MDH2: variants seen among roughly 807,000 people sequenced by gnomAD.
MDH2 encodes the protein malate dehydrogenase 2, also known as malate dehydrogenase, mitochondrial.
A neutral mutation model predicts 33.6 loss-of-function variants in MDH2; 25 were observed. That is an observed-to-expected ratio of 0.74 (90% CI 0.54 to 1.04). The LOEUF (loss-of-function observed/expected upper bound fraction) is 1.04. MDH2 is among the 50% of genes least tolerant of loss of function. MDH2 has a pLI of 0.00. For missense variants in MDH2, 432 were observed against 445.0 expected (o/e 0.97, Z 0.26); for synonymous variants, 193 against 188.7 (o/e 1.02, Z -0.19).
In MDH2 at chr7:76,066,505, GTGA is replaced by G. The variant is rs1338941872; in HGVS notation, c.*100_*102del. ...AAACTTTGTATTTTAATTTGCTTTG[GTGA>G]TGATTACTGTATTGACATCATCATG... On this transcript the variant is annotated 3_prime_UTR_variant, in exon 9 of 9. Transcript: ENST00000315758. 2 of 1,445,294 alleles carry G rather than the reference GTGA, an allele frequency of 1.4e-6. No homozygotes were observed. Among genetic ancestry groups the G allele is most frequent in the Admixed American group, 2.4e-5 (1 of 40,902 alleles). 89.5% of individuals were successfully genotyped at this position (1,445,294 alleles called of 1,614,324 possible).
rs781847712 is a variant in MDH2, at chr7:76,060,367, T to C, written c.430-6T>C. ...GCAAGCCATGCCTGTCTGTTGGATG[T>C]CCTAGGTTAATTCCACCATCCCCAT... On this transcript the variant is annotated splice_region_variant and splice_polypyrimidine_tract_variant and intron_variant, in intron 4 of 8. Coordinates refer to ENST00000315758, the MANE Select transcript of MDH2 (RefSeq NM_005918.4). The C allele has an allele frequency of 8.7e-6, 14 of 1,613,962 alleles. 1 individual carries two copies. The highest frequency in any genetic ancestry group is 5.5e-5 in the South Asian group (5 of 91,068).
chr7:76,066,261 T>C lies in MDH2; in HGVS notation c.886-18T>C. ...CTTTCCTGGAAACTTCATTTTAACA[T>C]GTTCCCATCTCCCTCAGAAAAAGGG... On this transcript the variant is annotated intron_variant, in intron 8 of 8. Transcript: ENST00000315758. The C allele has an allele frequency of 6.2e-7, 1 of 1,601,122 alleles. No homozygotes were observed. The highest frequency in any genetic ancestry group is 8.5e-7 in the Non-Finnish European group (1 of 1,173,972).
At chr7:76,056,725 G>A (rs1554586329) in intron 2 of MDH2, among the ~76,000 whole-genome samples, 1 of 152,178 alleles carries the variant, frequency 6.6e-6, no homozygotes, top group Non-Finnish European at 1.5e-5. Flanking sequence ...TCTGATCAAG[G>A]AGTTTGGGCT....
chr7:76,064,427 A>C lies in MDH2; in HGVS notation c.722A>C (p.Lys241Thr), dbSNP rs1798038413. The change falls in exon 7 of 9, where the codon AAA becomes ACA. Residue 241 changes from lysine to threonine, a missense_variant. Transcript: ENST00000315758. ...QEAGTEVVKA[K>T]AGAGSATLSM... is the part of the protein sequence containing the mutation. The stretch of plus-strand genomic sequence containing the variant: ...GCCGGCACGGAGGTGGTCAAGGCTA[A>C]AGCCGGAGCAGGTAGAGTCTCAGGC... 1.2e-6 allele frequency: 2 copies of C among 1,612,716 alleles called. No homozygotes were observed. Among genetic ancestry groups the C allele is most frequent in the Admixed American group, 1.7e-5 (1 of 59,840 alleles).
rs189383313 is a variant in MDH2, at chr7:76,048,243, G to A, written c.66+17G>A. The stretch of plus-strand genomic sequence containing the variant: ...TCGGCCCAGGTAGGCCAGACGAGGG[G>A]CGGCCTGCAGGCGGAGGCCCCCCGG... On this transcript the variant is annotated intron_variant, in intron 1 of 8. Transcript: ENST00000315758. The A allele has an allele frequency of 5.2e-3, 7,989 of 1,531,180 alleles. 74 individuals carry two copies. Among genetic ancestry groups the A allele is most frequent in the South Asian group, 0.021 (1,730 of 83,792 alleles). 94.8% of individuals were successfully genotyped at this position (1,531,180 alleles called of 1,614,324 possible).
At position 76,064,853 on chromosome 7, in the gene MDH2, T is replaced by G. The variant is rs782696984; in HGVS notation, c.785T>G (p.Leu262Arg). 6.2e-7 allele frequency: 1 copy of G among 1,614,134 alleles called. No homozygotes were observed. The highest frequency in any genetic ancestry group is 1.1e-5 in the South Asian group (1 of 91,084). The change falls in exon 8 of 9, where the codon CTT (leucine) becomes CGT (arginine). Residue 262 changes from leucine to arginine, a missense_variant. Coordinates refer to ENST00000315758, the MANE Select transcript of MDH2 (RefSeq NM_005918.4). ...AYAGARFVFS[L>R]VDAMNGKEGV... Reference sequence around the variant, plus strand: ...GCCGGCGCCCGCTTTGTCTTCTCCCTTGTGGATGCAATGAATGGAAAGGAA... The same window carrying G: ...GCCGGCGCCCGCTTTGTCTTCTCCCGTGTGGATGCAATGAATGGAAAGGAA...
rs1240171682 is a variant in MDH2, at chr7:76,064,532, G to C, written c.733+94G>C. 3.5e-6 allele frequency: 4 copies of C among 1,152,948 alleles called. No homozygotes were observed. The African/African-American group carries it at 6.1e-5, about 18-fold the overall frequency. The allele number at this position is 1,152,948 out of a possible 1,614,324, so 71.4% of individuals were successfully genotyped here. ...ATGCTGCTTGTCCCTGGGCATGGAC[G>C]ATCCTTTTCAGTGTTGATTTGCAGT... On this transcript the variant is annotated intron_variant, in intron 7 of 8. Coordinates refer to ENST00000315758, the MANE Select transcript of MDH2 (RefSeq NM_005918.4).
chr7:76,063,859 G>A (rs1798019690), intron 6 of MDH2, among the ~76,000 whole-genome samples: 1 of 152,198 alleles, frequency 6.6e-6, no homozygotes, highest in Non-Finnish European at 1.5e-5. Flanking sequence ...GCCGGAGCGG[G>A]CGAGGTGCTT....
In MDH2 at chr7:76,054,890, C is replaced by T. The variant is rs782356292; in HGVS notation, c.127C>T (p.Leu43Phe). The T allele has an allele frequency of 4.3e-6, 7 of 1,614,068 alleles. No individual in the cohort carries two copies. Among genetic ancestry groups the T allele is most frequent in the Admixed American group, 1.7e-5 (1 of 60,010 alleles). ...SGGIGQPLSLLLKNSPLVSRL... is the reference protein window; with the variant it reads ...SGGIGQPLSLFLKNSPLVSRL... Reference sequence around the variant, plus strand: ...AGGCATCGGGCAGCCACTTTCACTTCTCCTGAAGAACAGCCCCTTGGTGAG... The same window carrying T: ...AGGCATCGGGCAGCCACTTTCACTTTTCCTGAAGAACAGCCCCTTGGTGAG... Residue 43 changes from leucine to phenylalanine, a missense_variant, in exon 2 of 9, where the codon CTC becomes TTC. By Grantham distance (22) the Leu-to-Phe change is conservative. Transcript: ENST00000315758.
intron 1 of MDH2, 39 bp from the exon 2 acceptor site, chr7:76,054,791 A>G (rs372524677): frequency 5.8e-5 from 94 of 1,612,976 alleles, no homozygotes; most frequent in Non-Finnish European, 7.5e-5. Context: ...TTTCATGCTC[A>G]TTTCCTCCTA....
At chr7:76,057,948 C>T (rs1797831240) in intron 3 of MDH2, 21 bp from the exon 4 acceptor site, 2 of 1,609,970 alleles carry the variant, frequency 1.2e-6, no homozygotes, top group East Asian at 2.2e-5. Flanking sequence ...CTGTTAACAT[C>T]TCATATTGGA....
rs1267593289 is a variant in MDH2, at chr7:76,048,650, A to G, written c.66+424A>G. On this transcript the variant is annotated intron_variant, in intron 1 of 8. Coordinates refer to ENST00000315758, the MANE Select transcript of MDH2 (RefSeq NM_005918.4). ...TGTGCGTGAATAAAAGAAATCGTAT[A>G]CTTCCTAATTCCATAGTATGGACAA... The G allele has an allele frequency of 3.2e-6, 4 of 1,265,944 alleles. No individual in the cohort carries two copies. In the African/African-American group the frequency reaches 6.2e-5, roughly 20 times the overall value. The allele number at this position is 1,265,944 out of a possible 1,614,324, so 78.4% of individuals were successfully genotyped here. A position where few individuals can be genotyped will look rare whatever the true frequency, so the allele number is the denominator to read the frequency against.
intron 1 of MDH2, among the ~76,000 whole-genome samples, chr7:76,049,903 T>C (rs1474859354): frequency 1.3e-5 from 2 of 151,902 alleles, no homozygotes; most frequent in Non-Finnish European, 2.9e-5. Context: ...GTGATCTCGG[T>C]TCACTGCAGC....
In MDH2 at chr7:76,060,427, A is replaced by G; in HGVS notation, c.484A>G (p.Asn162Asp). The G allele has an allele frequency of 6.2e-7, 1 of 1,614,164 alleles. No individual in the cohort carries two copies. ...AEVFKKHGVY[N>D]PNKIFGVTTL... ...AGTTTTCAAGAAGCATGGAGTGTAC[A>G]ACCCCAACAAAATCTTCGGCGTGAC... Residue 162 changes from asparagine to aspartate, a missense_variant, in exon 5 of 9, where the codon AAC becomes GAC. By Grantham distance (23) the Asn-to-Asp change is conservative. Coordinates refer to ENST00000315758, the MANE Select transcript of MDH2 (RefSeq NM_005918.4).
At chr7:76,050,476 G>A (rs1201668940) in intron 1 of MDH2, among the ~76,000 whole-genome samples, 3 of 152,236 alleles carry the variant, frequency 2.0e-5, no homozygotes, top group Non-Finnish European at 4.4e-5. Flanking sequence ...AGCCCTTGGA[G>A]AAGCATGGGG....
At chr7:76,048,631 T>A in intron 1 of MDH2, 12 of 1,269,222 alleles carry the variant, frequency 9.5e-6, no homozygotes, top group Non-Finnish European at 1.2e-5. Flanking sequence ...GAGTTGTGCG[T>A]GAATAAAAGA....
At chr7:76,064,241 G>C (rs1798031596) in intron 6 of MDH2, 98 bp from the exon 7 acceptor site, 1 of 768,332 alleles carries the variant, frequency 1.3e-6, no homozygotes, top group Non-Finnish European at 2.1e-6. Flanking sequence ...CCTGGTGATG[G>C]GAGGGAGAGG....
At chr7:76,061,663 T>G (rs1797954167) in intron 5 of MDH2, among the ~76,000 whole-genome samples, 1 of 149,458 alleles carries the variant, frequency 6.7e-6, no homozygotes, top group South Asian at 2.1e-4. Flanking sequence ...AAAAAACAGT[T>G]TGAGTGAGCA....
In MDH2 at chr7:76,048,141, G is replaced by T. The variant is rs782025053; in HGVS notation, c.-20G>T. On this transcript the variant is annotated 5_prime_UTR_variant, in exon 1 of 9. Coordinates refer to ENST00000315758, the MANE Select transcript of MDH2 (RefSeq NM_005918.4). ...CACCAGCTCCTGTGCCTGCCAGTCG[G>T]TGCCCCTCCCGCTCCAGCCATGCTC... 20 of 1,536,524 alleles carry T rather than the reference G, an allele frequency of 1.3e-5. No individual in the cohort carries two copies. The African/African-American group carries it at 2.5e-4, about 19-fold the overall frequency.
Sources: allele counts gnomAD v4.1 joint callset (sites outside exome capture counted in the v4.1 genomes callset), GRCh38; gene constraint gnomAD v4.1.1; transcripts MANE v1.5; gene names NCBI Gene and HGNC (gene_info 2026-07-23, HGNC 2026-07-21).